ESR2: variants seen among roughly 807,000 people sequenced by gnomAD.
The protein encoded by ESR2 is estrogen receptor 2, also known as estrogen receptor beta.
Under a neutral mutation model 49.6 loss-of-function variants are expected in ESR2, and 36 were observed. The observed-to-expected ratio is 0.73, with a 90% CI of 0.56 to 0.96. The LOEUF is 0.96. Among genes scored for constraint, ESR2 ranks in the 40% least tolerant of loss-of-function variants. ESR2 has a pLI of 0.00. For synonymous variants in ESR2, 320 were observed against 266.1 expected, an observed-to-expected ratio of 1.20 and a Z score of -1.97; for missense variants, 714 against 693.0, an observed-to-expected ratio of 1.03 and a Z score of -0.34.
rs1264290212 is a variant in ESR2, at chr14:64,248,516, A to G, written c.1225+1030T>C. On this transcript the variant is annotated intron_variant, in intron 7 of 8. Coordinates refer to ENST00000341099, the MANE Select transcript of ESR2 (RefSeq NM_001437.3). ...GCAAGATCCTGTCTCAAAAAAAAAAAAAAAAAGAAAAAAAAAAAGAAAGAA... is the reference window on the plus strand; with the variant it reads ...GCAAGATCCTGTCTCAAAAAAAAAAGAAAAAAGAAAAAAAAAAAGAAAGAA... Among the ~76,000 whole-genome samples, 11 of 151,434 alleles carry G rather than the reference A, an allele frequency of 7.3e-5. No individual in the cohort carries two copies. In the South Asian group the frequency reaches 1.9e-3, roughly 26 times the overall value.
chr14:64,248,505 CAAAAAAAAAAA>C (rs56108535), intron 7 of ESR2, among the ~76,000 whole-genome samples: 1 of 87,266 alleles, frequency 1.1e-5, no homozygotes, highest in East Asian at 3.1e-4. Context: ...GATCCTGTCT[CAAAAAAAAAAA>C]AAAAAAGAAA....
intron 1 of ESR2, among the ~76,000 whole-genome samples, chr14:64,311,020 T>C (rs1232677755): frequency 1.3e-5 from 2 of 152,090 alleles, no homozygotes; most frequent in Non-Finnish European, 2.9e-5. Context: ...CCCCGCAAAA[T>C]GGAGCCATTT....
At chr14:64,275,681 T>A (rs1299369944) in intron 3 of ESR2, among the ~76,000 whole-genome samples, 2 of 152,002 alleles carry the variant, frequency 1.3e-5, no homozygotes, top group Non-Finnish European at 2.9e-5. Flanking sequence ...CCAGCCTGGA[T>A]GACAGAGTGA....
chr14:64,249,750 T>C, intron 6 of ESR2, 71 bp from the exon 7 acceptor site: 1 of 1,480,062 alleles, frequency 6.8e-7, no homozygotes, highest in Non-Finnish European at 9.2e-7. Flanking sequence ...TAAGGAATGT[T>C]TTATTTTTAA....
intron 5 of ESR2, 182 bp from the exon 6 acceptor site, chr14:64,257,546 T>C (rs2076129714): frequency 6.9e-6 from 5 of 725,570 alleles, no homozygotes; most frequent in Non-Finnish European, 1.1e-5. Context: ...GCTGCGCAAC[T>C]TAGTTTCCAG....
chr14:64,323,209 T>C (rs535894741), intron 1 of ESR2, among the ~76,000 whole-genome samples: 1 of 152,272 alleles, frequency 6.6e-6, no homozygotes, highest in African/African-American at 2.4e-5. Context: ...TGTTATTTTG[T>C]TTTTTGTTTG....
chr14:64,294,847 G>A (rs1458120402), upstream of ESR2, among the ~76,000 whole-genome samples: 1 of 152,236 alleles, frequency 6.6e-6, no homozygotes, highest in Non-Finnish European at 1.5e-5. Context: ...TAGAGGTGGA[G>A]GGAGTGGGTT....
In ESR2 at chr14:64,257,157, C is replaced by A. The variant is rs1209915389; in HGVS notation, c.1091+69G>T. 4 of 1,464,114 alleles carry A rather than the reference C, an allele frequency of 2.7e-6. No individual in the cohort carries two copies. The East Asian group carries it at 6.8e-5, about 25-fold the overall frequency. The allele number at this position is 1,464,114 out of a possible 1,614,324, so 90.7% of individuals were successfully genotyped here. A position where few individuals can be genotyped will look rare whatever the true frequency, so the allele number is the denominator to read the frequency against. ...GAGATTTTAATTGCAGCACCCAGGA[C>A]TTTGTTCCCACTCACTAAGCACCTT... is the stretch of plus-strand genomic sequence containing the variant. On this transcript the variant is annotated intron_variant, in intron 6 of 8. Coordinates refer to ENST00000341099, the MANE Select transcript of ESR2 (RefSeq NM_001437.3).
At chr14:64,322,469 G>T (rs2077336130) in intron 1 of ESR2, among the ~76,000 whole-genome samples, 1 of 149,228 alleles carries the variant, frequency 6.7e-6, no homozygotes, top group African/African-American at 2.5e-5. Flanking sequence ...TGATCCAGGG[G>T]TTTGAGACCA....
intron 3 of ESR2, among the ~76,000 whole-genome samples, chr14:64,269,584 T>G (rs1490913819): frequency 2.0e-5 from 3 of 152,114 alleles, no homozygotes; most frequent in Non-Finnish European, 4.4e-5. Flanking sequence ...CTCCAACAGT[T>G]TGGCTTGGCC....
chr14:64,237,612 C>T (rs1295137277), intron 7 of ESR2, among the ~76,000 whole-genome samples: 1 of 152,146 alleles, frequency 6.6e-6, no homozygotes, highest in Non-Finnish European at 1.5e-5. Context: ...ATGTTCATAG[C>T]AGCATAACTC....
At chr14:64,272,621 C>G (rs2076473971) in intron 3 of ESR2, among the ~76,000 whole-genome samples, 1 of 152,030 alleles carries the variant, frequency 6.6e-6, no homozygotes, top group South Asian at 2.1e-4. Flanking sequence ...ACATGGATAT[C>G]CAGTTTTCCC....
intron 7 of ESR2, among the ~76,000 whole-genome samples, chr14:64,248,937 G>A (rs2075927241): frequency 6.6e-6 from 1 of 152,210 alleles, no homozygotes; most frequent in South Asian, 2.1e-4. Flanking sequence ...CTGGGCAGCA[G>A]TTTCTAATCT....
At chr14:64,291,343 C>T (rs2076867338) in intron 1 of ESR2, among the ~76,000 whole-genome samples, 1 of 152,224 alleles carries the variant, frequency 6.6e-6, no homozygotes, top group African/African-American at 2.4e-5. Context: ...AGATTCTCCA[C>T]TAAAAGCCCT....
chr14:64,300,933 TGATGAG>T lies in ESR2; in HGVS notation c.-90-17864_-90-17859del, dbSNP rs895062186. Among the ~76,000 whole-genome samples, 482 of 151,366 alleles carry T rather than the reference TGATGAG, an allele frequency of 3.2e-3. 1 individual carries two copies. Among genetic ancestry groups the T allele is most frequent in the African/African-American group, 0.011 (461 of 40,688 alleles). ...AAATATGAGGGTGTTTGCTCACAGA[TGATGAG>T]GAGGAGGCTATAACTACCATTCATT... On this transcript the variant is annotated intron_variant, in intron 1 of 8. Coordinates refer to the ESR2 transcript ENST00000358599.
intron 1 of ESR2, among the ~76,000 whole-genome samples, chr14:64,312,755 A>G (rs909333110): frequency 1.3e-5 from 2 of 152,004 alleles, no homozygotes; most frequent in African/African-American, 4.8e-5. Flanking sequence ...AAAAATACAA[A>G]AAAATTATCC....
At chr14:64,239,471 T>G (rs1459100092) in intron 7 of ESR2, among the ~76,000 whole-genome samples, 2 of 152,246 alleles carry the variant, frequency 1.3e-5, no homozygotes, top group Non-Finnish European at 2.9e-5. Context: ...TTTGTAAATC[T>G]TAAAACTGTT....
intron 2 of ESR2, among the ~76,000 whole-genome samples, chr14:64,281,137 A>G (rs1218784597): frequency 1.3e-5 from 2 of 152,152 alleles, no homozygotes; most frequent in African/African-American, 2.4e-5. Context: ...GAGAGAAGAG[A>G]AGAGAGAGAA....
intron 1 of ESR2, among the ~76,000 whole-genome samples, chr14:64,314,536 G>GA (rs1247770072): frequency 6.6e-6 from 1 of 150,894 alleles, no homozygotes; most frequent in African/African-American, 2.4e-5. Context: ...TGTAAAACAG[G>GA]AAAAAAATAG....
Sources: gnomAD v4.1 joint callset for allele counts (sites outside exome capture counted in the v4.1 genomes callset) on GRCh38, gnomAD v4.1.1 for gene constraint, MANE v1.5 for transcripts, NCBI Gene and HGNC (gene_info 2026-07-23, HGNC 2026-07-21) for gene names.